The following QTMAN variants were observed in gnomAD, a reference collection of about 807,000 sequenced individuals.
The protein encoded by QTMAN is tRNA-queuosine alpha-mannosyltransferase.
the QTMAN span, chr2:144,208,561 C>A: frequency 6.4e-7 from 1 of 1,567,992 alleles, no homozygotes; most frequent in Non-Finnish European, 8.7e-7. Flanking sequence ...ATAACAGGTA[C>A]TTTTTAAAAA....
the QTMAN span, among the ~76,000 whole-genome samples, chr2:144,083,633 C>A: frequency 3.9e-5 from 6 of 152,094 alleles, no homozygotes; most frequent in Admixed American, 3.3e-4. Context: ...ATGCAGTGAT[C>A]CATAAAGGAG....
At chr2:143,949,550 T>G in the QTMAN span, among the ~76,000 whole-genome samples, 2 of 151,892 alleles carry the variant, frequency 1.3e-5, no homozygotes, top group South Asian at 4.1e-4. Context: ...AGGAACAAAT[T>G]AAAGAATTCA....
the QTMAN span, among the ~76,000 whole-genome samples, chr2:144,122,820 C>CTTTATGCCCAGG: frequency 3.9e-5 from 6 of 152,116 alleles, no homozygotes; most frequent in African/African-American, 1.2e-4. Context: ...TTTATTTTGT[C>CTTTATGCCCAGG]TAGGTTGCTA....
At chr2:143,965,515 C>G in the QTMAN span, among the ~76,000 whole-genome samples, 3 of 152,170 alleles carry the variant, frequency 2.0e-5, no homozygotes, top group African/African-American at 7.2e-5. Context: ...ACTTAGAAAG[C>G]TTCAAGAGAC....
At chr2:144,197,655 A>C in the QTMAN span, among the ~76,000 whole-genome samples, 3 of 152,172 alleles carry the variant, frequency 2.0e-5, no homozygotes, top group Non-Finnish European at 2.9e-5. Context: ...GTTCCAGACA[A>C]ATTTCTTAAC....
chr2:143,986,825 C>T, the QTMAN span, among the ~76,000 whole-genome samples: 1 of 152,060 alleles, frequency 6.6e-6, no homozygotes, highest in Non-Finnish European at 1.5e-5. Flanking sequence ...TCTTTTGGGA[C>T]TAATTAACAG....
At chr2:144,149,679 T>A in the QTMAN span, among the ~76,000 whole-genome samples, 1 of 152,068 alleles carries the variant, frequency 6.6e-6, no homozygotes, top group African/African-American at 2.4e-5. Flanking sequence ...CACCATTCCA[T>A]GTATTTGGGA....
the QTMAN span, among the ~76,000 whole-genome samples, chr2:144,023,058 G>C: frequency 6.6e-6 from 1 of 151,896 alleles, no homozygotes; most frequent in Non-Finnish European, 1.5e-5. Flanking sequence ...AGAAGTCCTA[G>C]TATCTGAAGT....
the QTMAN span, among the ~76,000 whole-genome samples, chr2:144,129,351 G>A: frequency 6.6e-6 from 1 of 151,910 alleles, no homozygotes; most frequent in Admixed American, 6.6e-5. Context: ...TTCCCAACTA[G>A]GGACTGAATT....
At chr2:144,118,998 G>A in the QTMAN span, among the ~76,000 whole-genome samples, 1 of 152,108 alleles carries the variant, frequency 6.6e-6, no homozygotes, top group East Asian at 1.9e-4. Context: ...TGCCTTGTTG[G>A]CCCAAATAAA....
At chr2:144,284,460 C>G in the QTMAN span, among the ~76,000 whole-genome samples, 2 of 151,580 alleles carry the variant, frequency 1.3e-5, no homozygotes, top group Non-Finnish European at 2.9e-5. Context: ...ATGATCTTGA[C>G]CATGGATGGC....
the QTMAN span, among the ~76,000 whole-genome samples, chr2:144,191,832 A>T: frequency 6.6e-6 from 1 of 152,228 alleles, no homozygotes; most frequent in African/African-American, 2.4e-5. Context: ...TCAATTGCTC[A>T]AGAATCCATA....
chr2:143,945,230 C>A, the QTMAN span: 21 of 152,136 alleles, frequency 1.4e-4, no homozygotes, highest in African/African-American at 4.8e-4. Context: ...CAAAGGAACA[C>A]ACCTGCTAGA....
chr2:143,944,656 G>C, the QTMAN span: 12 of 152,234 alleles, frequency 7.9e-5, no homozygotes, highest in African/African-American at 2.9e-4. Flanking sequence ...GTGTTAGCCA[G>C]GATGGTCTCG....
the QTMAN span, among the ~76,000 whole-genome samples, chr2:144,282,956 T>A: frequency 6.6e-6 from 1 of 152,218 alleles, no homozygotes; most frequent in Non-Finnish European, 1.5e-5. Context: ...GGTGAATACA[T>A]CCACGTGCTC....
the QTMAN span, among the ~76,000 whole-genome samples, chr2:144,079,228 G>C: frequency 1.3e-5 from 2 of 152,060 alleles, no homozygotes; most frequent in African/African-American, 4.8e-5. Flanking sequence ...CATTCAAAAG[G>C]CAATTTTAAA....
chr2:144,010,009 A>C, the QTMAN span, among the ~76,000 whole-genome samples: 1 of 151,646 alleles, frequency 6.6e-6, no homozygotes, highest in African/African-American at 2.4e-5. Flanking sequence ...AGTGCCAGGC[A>C]AGCTTAATAA....
chr2:144,113,083 G>A, the QTMAN span, among the ~76,000 whole-genome samples: 29 of 152,196 alleles, frequency 1.9e-4, no homozygotes, highest in Middle Eastern at 3.4e-3. Context: ...CTCATCATAC[G>A]AAGAACCACA....
the QTMAN span, among the ~76,000 whole-genome samples, chr2:144,030,073 A>T: frequency 2.0e-5 from 3 of 152,206 alleles, no homozygotes; most frequent in Non-Finnish European, 4.4e-5. Context: ...GTTAGGTACT[A>T]TGGTAAGCAA....
Sources: gnomAD v4.1 joint callset for allele counts (sites outside exome capture counted in the v4.1 genomes callset) on GRCh38, gnomAD v4.1.1 for gene constraint, MANE v1.5 for transcripts, NCBI Gene and HGNC (gene_info 2026-07-23, HGNC 2026-07-21) for gene names.